Variants in MCTP1 observed in about 807,000 individuals in gnomAD.
MCTP1 encodes the protein multiple C2 and transmembrane domain-containing protein 1.
In MCTP1, 69 loss-of-function variants were observed where a neutral mutation model predicts 120.6. The ratio of observed to expected loss-of-function variants is 0.57; its 90% CI spans 0.47 to 0.70. The LOEUF is 0.70. Ranked by LOEUF, MCTP1 falls within the 30% of genes least tolerant of loss-of-function variation. The pLI is 0.00. For missense variants in MCTP1, 1,203 were observed against 1,248.8 expected, an observed-to-expected ratio of 0.96 and a Z score of 0.55; for synonymous variants, 529 against 493.1, an observed-to-expected ratio of 1.07 and a Z score of -0.96.
chr5:94,901,194 A>G (rs1038127691), intron 10 of MCTP1, among the ~76,000 whole-genome samples: 7 of 152,214 alleles, frequency 4.6e-5, no homozygotes, highest in African/African-American at 1.7e-4. Flanking sequence ...AATGAGGAGC[A>G]AAGTTATGCC....
chr5:94,850,898 C>T (rs1235422226), intron 17 of MCTP1, among the ~76,000 whole-genome samples: 1 of 152,078 alleles, frequency 6.6e-6, no homozygotes, highest in African/African-American at 2.4e-5. Context: ...GGGAAGGGTA[C>T]AGTGTATACT....
intron 4 of MCTP1, among the ~76,000 whole-genome samples, chr5:94,941,036 T>C (rs560496524): frequency 4.6e-5 from 7 of 152,126 alleles, no homozygotes; most frequent in Non-Finnish European, 8.8e-5. Context: ...ACACACCAAA[T>C]GCTCATGTAT....
At position 94,844,238 on chromosome 5, in the gene MCTP1, G is replaced by A. The variant is rs543535664; in HGVS notation, c.2436+24095C>T. 2.9e-5 allele frequency among the ~76,000 whole-genome samples: 4 copies of A among 139,904 alleles called. No individual in the cohort carries two copies. The South Asian group carries it at 9.0e-4, about 31-fold the overall frequency. 91.8% of individuals were successfully genotyped at this position (139,904 alleles called of 152,430 possible). A position where few individuals can be genotyped will look rare whatever the true frequency, so the allele number is the denominator to read the frequency against. ...GAATCACTTGAAGGCAGAGGCAAAG[G>A]TTGCAGTGAGCCGAGATCGCGCCAT... On this transcript the variant is annotated intron_variant, in intron 17 of 22. Transcript: ENST00000515393.
chr5:94,767,989 C>T (rs150908790), intron 19 of MCTP1, among the ~76,000 whole-genome samples: 31 of 152,262 alleles, frequency 2.0e-4, no homozygotes, highest in African/African-American at 7.2e-4. Flanking sequence ...CATCACAATC[C>T]TTGACTTCAA....
At position 95,255,936 on chromosome 5, in the gene MCTP1, A is replaced by G. The variant is rs547848633; in HGVS notation, c.720+27920T>C. On this transcript the variant is annotated intron_variant, in intron 1 of 22. Coordinates refer to ENST00000515393, the MANE Select transcript of MCTP1 (RefSeq NM_024717.7). Reference sequence around the variant, plus strand: ...CAGAAGTTCGGTCATAAACAAGCACAACGGAAGTGTTCGTCTGTAGCTCGA... The same window carrying G: ...CAGAAGTTCGGTCATAAACAAGCACGACGGAAGTGTTCGTCTGTAGCTCGA... Among the ~76,000 whole-genome samples, 6 of 152,244 alleles carry G rather than the reference A, an allele frequency of 3.9e-5. No homozygotes were observed. In the East Asian group the frequency reaches 1.2e-3, roughly 29 times the overall value.
intron 2 of MCTP1, among the ~76,000 whole-genome samples, chr5:94,977,788 C>T (rs1581666888): frequency 6.6e-6 from 1 of 152,072 alleles, no homozygotes; most frequent in South Asian, 2.1e-4. Flanking sequence ...TCTTATCTTA[C>T]CCCATATACA....
intron 17 of MCTP1, among the ~76,000 whole-genome samples, chr5:94,800,053 C>T (rs2153023100): frequency 6.6e-6 from 1 of 152,194 alleles, no homozygotes; most frequent in African/African-American, 2.4e-5. Context: ...GCTAACTAGC[C>T]ATATAACTTT....
intron 2 of MCTP1, among the ~76,000 whole-genome samples, chr5:94,968,131 A>G (rs1481297399): frequency 6.6e-6 from 1 of 152,170 alleles, no homozygotes; most frequent in Non-Finnish European, 1.5e-5. Context: ...TAACTAATGC[A>G]CTAATCTATG....
At chr5:95,125,705 G>A (rs1294952430) in intron 1 of MCTP1, among the ~76,000 whole-genome samples, 1 of 152,160 alleles carries the variant, frequency 6.6e-6, no homozygotes, top group Non-Finnish European at 1.5e-5. Context: ...TTATTGACTG[G>A]TGTATTCCAA....
At chr5:95,234,365 G>A (rs190895320) in intron 1 of MCTP1, among the ~76,000 whole-genome samples, 1 of 152,220 alleles carries the variant, frequency 6.6e-6, no homozygotes. Context: ...TTCCTCCCAG[G>A]GTGAATTTGT....
At chr5:94,839,978 T>G (rs142707303) in intron 17 of MCTP1, among the ~76,000 whole-genome samples, 1 of 152,216 alleles carries the variant, frequency 6.6e-6, no homozygotes, top group African/African-American at 2.4e-5. Flanking sequence ...AGTTCAGTAT[T>G]TAATTATGTC....
At chr5:94,743,331 G>A (rs1034063339) in intron 19 of MCTP1, among the ~76,000 whole-genome samples, 28 of 150,300 alleles carry the variant, frequency 1.9e-4, no homozygotes, top group Admixed American at 1.7e-3. Flanking sequence ...AAAAAAAAGA[G>A]AGTCTATGAT....
At chr5:94,938,986 T>C (rs1816881662) in intron 5 of MCTP1, among the ~76,000 whole-genome samples, 1 of 152,110 alleles carries the variant, frequency 6.6e-6, no homozygotes, top group Non-Finnish European at 1.5e-5. Context: ...TAGGTATTAT[T>C]ATCTGGCAAT....
At position 94,706,632 on chromosome 5, in the gene MCTP1, C is replaced by CAGAT. The variant is rs1326981529; in HGVS notation, c.*860_*863dup. ...ATTTATTAAAATATTTTTAGATGCA[C>CAGAT]AGATACAATCTGACACCAAAAGCGA... On this transcript the variant is annotated 3_prime_UTR_variant, in exon 23 of 23. Transcript: ENST00000515393. The CAGAT allele has an allele frequency of 6.7e-6, 1 of 149,692 alleles. No individual in the cohort carries two copies. The highest frequency in any genetic ancestry group is 1.5e-5 in the Non-Finnish European group (1 of 67,528). 9.3% of individuals were successfully genotyped at this position (149,692 alleles called of 1,614,324 possible). A position where few individuals can be genotyped will look rare whatever the true frequency, so the allele number is the denominator to read the frequency against.
At chr5:94,983,640 T>C (rs955921716) in intron 2 of MCTP1, among the ~76,000 whole-genome samples, 9 of 60,280 alleles carry the variant, frequency 1.5e-4, no homozygotes, top group Non-Finnish European at 3.1e-4. Context: ...ATCCTATCTT[T>C]ATCTGTCTGT....
chr5:94,976,803 T>A (rs1366090011), intron 2 of MCTP1: 1 of 152,106 alleles, frequency 6.6e-6, no homozygotes, highest in Non-Finnish European at 1.5e-5. Context: ...GTATTTTCTC[T>A]AACAAACTAA....
chr5:95,148,326 C>G (rs1358176089), intron 1 of MCTP1, among the ~76,000 whole-genome samples: 1 of 137,368 alleles, frequency 7.3e-6, no homozygotes, highest in African/African-American at 2.7e-5. Context: ...TCTCTCCTTT[C>G]TCAGGAATGC....
intron 19 of MCTP1, among the ~76,000 whole-genome samples, chr5:94,724,964 T>A (rs76466049): frequency 6.7e-6 from 1 of 149,870 alleles, no homozygotes; most frequent in Admixed American, 6.7e-5. Flanking sequence ...TCCAGAGATT[T>A]AAAAAAAAAA....
At chr5:94,943,715 G>A (rs528118472) in intron 3 of MCTP1, among the ~76,000 whole-genome samples, 2 of 152,058 alleles carry the variant, frequency 1.3e-5, no homozygotes, top group South Asian at 2.1e-4. Context: ...AGTGTTTTAA[G>A]GAAAAGAAGA....
Sources: gnomAD v4.1 joint callset for allele counts (sites outside exome capture counted in the v4.1 genomes callset) on GRCh38, gnomAD v4.1.1 for gene constraint, MANE v1.5 for transcripts, NCBI Gene and HGNC (gene_info 2026-07-23, HGNC 2026-07-21) for gene names.